HVCN1: variants seen among roughly 807,000 people sequenced by gnomAD.
The protein encoded by HVCN1 is hydrogen voltage gated channel 1.
HVCN1 carries 14 observed loss-of-function variants against 29.2 expected under a neutral mutation model. The observed-to-expected ratio is 0.48, with a 90% CI of 0.32 to 0.75. The LOEUF is 0.75. HVCN1 is among the 30% of genes least tolerant of loss of function. HVCN1 has a pLI of 0.04. For missense variants in HVCN1, 263 were observed against 341.8 expected, an observed-to-expected ratio of 0.77 and a Z score of 1.82; for synonymous variants, 131 against 133.2, an observed-to-expected ratio of 0.98 and a Z score of 0.11.
intron 2 of HVCN1, among the ~76,000 whole-genome samples, chr12:110,698,383 G>C (rs910670745): frequency 6.6e-6 from 1 of 152,176 alleles, no homozygotes; most frequent in African/African-American, 2.4e-5. Flanking sequence ...ACTCACTTTA[G>C]TGAGCAGAGC....
intron 3 of HVCN1, chr12:110,682,832 G>A (rs1168835857): frequency 2.9e-5 from 8 of 272,534 alleles, no homozygotes; most frequent in Middle Eastern, 1.3e-3. Context: ...GTGTGGTGGT[G>A]CATGCCTGTA....
upstream of HVCN1, among the ~76,000 whole-genome samples, chr12:110,692,376 T>G (rs1290716796): frequency 6.6e-6 from 1 of 152,170 alleles, no homozygotes; most frequent in East Asian, 1.9e-4. Flanking sequence ...AGGAACAGCC[T>G]TTGTTCTTAG....
intron 5 of HVCN1, 91 bp from the exon 6 acceptor site, chr12:110,651,539 G>C: frequency 2.5e-6 from 2 of 802,704 alleles, no homozygotes; most frequent in South Asian, 3.1e-5. Context: ...ACCAGCAAGA[G>C]AATTCCTCTG....
At chr12:110,655,168 C>G in intron 5 of HVCN1, 66 bp downstream of exon 5, 1 of 1,210,970 alleles carries the variant, frequency 8.3e-7, no homozygotes, top group South Asian at 1.2e-5. Flanking sequence ...CACTCTGCAC[C>G]CCGTCTGTGC....
intron 3 of HVCN1, among the ~76,000 whole-genome samples, chr12:110,678,109 G>A (rs1252876001): frequency 1.3e-5 from 2 of 152,368 alleles, no homozygotes; most frequent in East Asian, 3.9e-4. Context: ...CAATGTCTCT[G>A]TTTATGGATG....
chr12:110,691,436 C>T (rs151174691), upstream of HVCN1, among the ~76,000 whole-genome samples: 7 of 152,270 alleles, frequency 4.6e-5, no homozygotes, highest in East Asian at 1.2e-3. Flanking sequence ...CAGCCCCATG[C>T]CAGTTTCTAA....
intron 3 of HVCN1, among the ~76,000 whole-genome samples, chr12:110,664,298 G>C (rs2068273189): frequency 1.3e-5 from 2 of 152,140 alleles, no homozygotes; most frequent in African/African-American, 4.8e-5. Context: ...CAAAAATACT[G>C]AAATGTTTGT....
At chr12:110,672,884 T>C (rs756969770) in intron 3 of HVCN1, among the ~76,000 whole-genome samples, 9 of 152,224 alleles carry the variant, frequency 5.9e-5, no homozygotes, top group Non-Finnish European at 8.8e-5. Context: ...TCCCCAGCCA[T>C]GTGGAATTGT....
intron 3 of HVCN1, among the ~76,000 whole-genome samples, chr12:110,664,682 C>CTA (rs1221672644): frequency 6.6e-6 from 1 of 152,180 alleles, no homozygotes; most frequent in African/African-American, 2.4e-5. Context: ...AAGGCAAAGA[C>CTA]TATAGTTCAA....
At chr12:110,671,684 C>T (rs1315133049) in intron 3 of HVCN1, among the ~76,000 whole-genome samples, 1 of 152,196 alleles carries the variant, frequency 6.6e-6, no homozygotes, top group Non-Finnish European at 1.5e-5. Context: ...CACATTTGTC[C>T]TGGACTCCAA....
intron 3 of HVCN1, among the ~76,000 whole-genome samples, chr12:110,665,690 A>C (rs2068322748): frequency 6.6e-6 from 1 of 152,094 alleles, no homozygotes; most frequent in African/African-American, 2.4e-5. Context: ...TAAAAATCTT[A>C]ATACAGAAAT....
intron 3 of HVCN1, among the ~76,000 whole-genome samples, chr12:110,665,245 T>TA (rs56317457): frequency 3.0e-4 from 45 of 151,948 alleles, no homozygotes; most frequent in Admixed American, 2.9e-3. Flanking sequence ...CCACAACTAA[T>TA]AAAAAAATCA....
intron 3 of HVCN1, among the ~76,000 whole-genome samples, chr12:110,680,595 C>T (rs1213927933): frequency 6.6e-6 from 1 of 152,212 alleles, no homozygotes; most frequent in Admixed American, 6.5e-5. Flanking sequence ...CTTTCTCTCC[C>T]ACCTGTCTTT....
intron 3 of HVCN1, among the ~76,000 whole-genome samples, chr12:110,673,754 G>A (rs1483499839): frequency 6.6e-6 from 1 of 152,244 alleles, no homozygotes; most frequent in Non-Finnish European, 1.5e-5. Flanking sequence ...GAGCCTGCAG[G>A]TGCACAGAAG....
At chr12:110,687,283 G>A (rs1330596391) in intron 2 of HVCN1, among the ~76,000 whole-genome samples, 1 of 151,408 alleles carries the variant, frequency 6.6e-6, no homozygotes, top group Admixed American at 6.6e-5. Flanking sequence ...TAAGCACTGG[G>A]AAGCCAGCCA....
chr12:110,666,191 G>A (rs1249884638), intron 3 of HVCN1, among the ~76,000 whole-genome samples: 1 of 152,104 alleles, frequency 6.6e-6, no homozygotes, highest in Non-Finnish European at 1.5e-5. Context: ...GGCTGAGGCG[G>A]GCGGATCACA....
chr12:110,667,174 C>T (rs756069359), intron 3 of HVCN1, among the ~76,000 whole-genome samples: 18 of 152,234 alleles, frequency 1.2e-4, no homozygotes, highest in Non-Finnish European at 5.9e-5. Flanking sequence ...TGTTCTTGCT[C>T]CCCATGCTGG....
At chr12:110,662,810 A>G (rs966892495) in intron 3 of HVCN1, among the ~76,000 whole-genome samples, 2 of 152,212 alleles carry the variant, frequency 1.3e-5, no homozygotes, top group South Asian at 4.1e-4. Context: ...CACACCCTAC[A>G]AAGTTAAAAG....
In HVCN1 at chr12:110,649,228, A is replaced by C. The variant is rs1483743071; in HGVS notation, c.*182T>G. On this transcript the variant is annotated 3_prime_UTR_variant, in exon 8 of 8. Coordinates refer to ENST00000242607, the MANE Select transcript of HVCN1 (RefSeq NM_032369.4). ...CAGTGTGGGGTGGGAGTGGATGGGC[A>C]GCTCTTGGTGGTACTGGACCTTCCA... The C allele has an allele frequency of 1.5e-6, 1 of 672,230 alleles. No homozygotes were observed. Among genetic ancestry groups the C allele is most frequent in the Non-Finnish European group, 2.7e-6 (1 of 369,948 alleles). 41.6% of individuals were successfully genotyped at this position (672,230 alleles called of 1,614,324 possible).
Sources: allele counts gnomAD v4.1 joint callset (sites outside exome capture counted in the v4.1 genomes callset), GRCh38; gene constraint gnomAD v4.1.1; transcripts MANE v1.5; gene names NCBI Gene and HGNC (gene_info 2026-07-23, HGNC 2026-07-21).